The following ZBTB4 variants were observed in gnomAD, a reference collection of about 807,000 sequenced individuals.
The protein encoded by ZBTB4 is zinc finger and BTB domain-containing protein 4.
In ZBTB4, 14 loss-of-function variants were observed where a neutral mutation model predicts 59.8. That is an observed-to-expected ratio of 0.23 (90% CI 0.15 to 0.37). The LOEUF is 0.37. Among genes scored for constraint, ZBTB4 ranks in the 10% least tolerant of loss-of-function variants. The pLI, the probability that ZBTB4 is intolerant of heterozygous loss-of-function variation, is 1.00. For missense variants in ZBTB4, 1,198 were observed against 1,380.8 expected, an observed-to-expected ratio of 0.87 and a Z score of 2.10; for synonymous variants, 587 against 575.2, an observed-to-expected ratio of 1.02 and a Z score of -0.29.
chr17:7,470,196 G>T (rs1182115062), intron 1 of ZBTB4, among the ~76,000 whole-genome samples: 1 of 151,958 alleles, frequency 6.6e-6, no homozygotes, highest in Non-Finnish European at 1.5e-5. Context: ...TCAGGAGTTC[G>T]AGACCAGCCT....
Position 7,465,743 on chromosome 17 carries a change from C to T in ZBTB4, c.1059G>A (p.Thr353=), listed in dbSNP as rs377098416. 7.4e-6 allele frequency: 12 copies of T among 1,611,868 alleles called. No individual in the cohort carries two copies. Among genetic ancestry groups the T allele is most frequent in the African/African-American group, 1.3e-5 (1 of 74,928 alleles). ...CCCCCGTGTGCCACACTTCATGCTTCGTGCGGTACTCCGCCAGAGCAAACA... is the reference window on the plus strand; with the variant it reads ...CCCCCGTGTGCCACACTTCATGCTTTGTGCGGTACTCCGCCAGAGCAAACA... The part of the protein sequence containing the change: ...EKVFALAEYR[T]KHEVWHTGER... The change falls in exon 3 of 4, where the codon ACG becomes ACA. Residue 353 remains threonine (T), a synonymous_variant. Transcript: ENST00000380599.
intron 3 of ZBTB4, among the ~76,000 whole-genome samples, chr17:7,464,655 T>C (rs1422751595): frequency 1.3e-5 from 2 of 151,198 alleles, no homozygotes; most frequent in Non-Finnish European, 2.9e-5. Context: ...TTGGCCAACA[T>C]GGTGAAACCC....
rs746616536 is a variant in ZBTB4, at chr17:7,463,110, A to T, written c.1872T>A (p.Arg624=). ...VKRRISETDL[R]PGELSGEEME... ...TCTCCTCTCCGCTCAGCTCCCCAGG[A>T]CGCAGGTCAGTCTCTGAGATGCGGC... is the stretch of plus-strand genomic sequence containing the variant. The change falls in exon 4 of 4, where the codon CGT becomes CGA. Residue 624 remains arginine, a synonymous_variant. Coordinates refer to ENST00000380599, the MANE Select transcript of ZBTB4 (RefSeq NM_001128833.2). The T allele has an allele frequency of 1.2e-6, 2 of 1,609,840 alleles. No homozygotes were observed. Among genetic ancestry groups the T allele is most frequent in the Non-Finnish European group, 1.7e-6 (2 of 1,179,126 alleles).
upstream of ZBTB4, chr17:7,483,333 G>A (rs2150871364): frequency 7.3e-6 from 3 of 412,854 alleles, no homozygotes; most frequent in South Asian, 5.3e-5. Flanking sequence ...GAGCATTGGG[G>A]CTGGAGTGTT....
upstream of ZBTB4, chr17:7,482,663 G>A: frequency 6.2e-7 from 1 of 1,612,004 alleles, no homozygotes; most frequent in Non-Finnish European, 8.5e-7. Context: ...CTTCCTATCT[G>A]GCTTGGTGGG....
chr17:7,465,290 C>G (rs1351893533), intron 3 of ZBTB4, among the ~76,000 whole-genome samples: 3 of 151,470 alleles, frequency 2.0e-5, no homozygotes, highest in Admixed American at 1.3e-4. Flanking sequence ...AACCCTGACT[C>G]TACTAAAAAT....
rs1242876793 is a variant in ZBTB4 at position 7,462,162 on chromosome 17, G to A, written c.2820C>T (p.Asn940=). ...TGAGAGCAACCGGGAGAGCGGCCAA[G>A]TTACTGAAGTTGTAAGGGTAGGCGG... is the stretch of plus-strand genomic sequence containing the variant. The part of the protein sequence containing the change: ...LLAAYPYNFS[N]LAALPVALNM... Residue 940 remains asparagine (N), a synonymous_variant, in exon 4 of 4, where the codon AAC becomes AAT. Coordinates refer to ENST00000380599, the MANE Select transcript of ZBTB4 (RefSeq NM_001128833.2). The surrounding 1 kb of genome is among the most constrained non-coding windows in gnomAD (Gnocchi z 7.5). The A allele has an allele frequency of 6.2e-7, 1 of 1,613,940 alleles. No homozygotes were observed. Among genetic ancestry groups the A allele is most frequent in the East Asian group, 2.2e-5 (1 of 44,892 alleles).
At position 7,473,348 on chromosome 17, in the gene ZBTB4, C is replaced by T. The variant is rs79099794; in HGVS notation, c.-80-6021G>A. 1.1e-3 allele frequency among the ~76,000 whole-genome samples: 171 copies of T among 152,122 alleles called. 2 individuals carry two copies. The East Asian group carries it at 0.024, about 22-fold the overall frequency. ...GCCAGGATGGTCTCCATCTCCTGACCTTGTGATCTGCCCACTTCGGCATCC... is the reference window on the plus strand; with the variant it reads ...GCCAGGATGGTCTCCATCTCCTGACTTTGTGATCTGCCCACTTCGGCATCC... On this transcript the variant is annotated intron_variant, in intron 1 of 3. Coordinates refer to ENST00000380599, the MANE Select transcript of ZBTB4 (RefSeq NM_001128833.2).
intron 3 of ZBTB4, among the ~76,000 whole-genome samples, chr17:7,464,431 GA>G (rs55956412): frequency 0.48 from 45,770 of 96,304 alleles, 8,931 homozygotes; most frequent in East Asian, 0.67. Flanking sequence ...GTCAAAAAAA[GA>G]AAAAAAAAAA....
upstream of ZBTB4, among the ~76,000 whole-genome samples, chr17:7,483,745 T>C (rs2070377209): frequency 6.6e-6 from 1 of 152,180 alleles, no homozygotes; most frequent in African/African-American, 2.4e-5. Flanking sequence ...GCCACCCTCC[T>C]TCCAGAGCAG....
At chr17:7,477,045 G>A (rs1026774941) in intron 1 of ZBTB4, among the ~76,000 whole-genome samples, 9 of 152,186 alleles carry the variant, frequency 5.9e-5, no homozygotes, top group African/African-American at 2.2e-4. Flanking sequence ...AAAAAGGGAG[G>A]TAGAGTGCCT....
chr17:7,470,150 C>T (rs376914840), intron 1 of ZBTB4, among the ~76,000 whole-genome samples: 2 of 152,264 alleles, frequency 1.3e-5, no homozygotes, highest in East Asian at 3.9e-4. Flanking sequence ...GTAATCCCAG[C>T]ACTTTGGAAG....
chr17:7,464,431 G>GAAAAAAAAAAAAAAAAAAAAA, intron 3 of ZBTB4, among the ~76,000 whole-genome samples: 1 of 96,182 alleles, frequency 1.0e-5, no homozygotes, highest in Non-Finnish European at 2.0e-5. Context: ...GTCAAAAAAA[G>GAAAAAAAAAAAAAAAAAAAAA]AAAAAAAAAA....
At chr17:7,482,922 C>T (rs2070366165), upstream of ZBTB4, 1 of 1,611,836 alleles carries the variant, frequency 6.2e-7, no homozygotes, top group African/African-American at 1.3e-5. Context: ...ATCGTGGGGG[C>T]AGGGGTTGTG....
chr17:7,483,508 TGTC>T (rs891685145), upstream of ZBTB4: 2 of 202,546 alleles, frequency 9.9e-6, no homozygotes, highest in South Asian at 7.6e-5. Context: ...CTTGCAGTGG[TGTC>T]GTCTCTGCTT....
upstream of ZBTB4, chr17:7,482,298 A>C: frequency 1.2e-6 from 2 of 1,613,798 alleles, no homozygotes; most frequent in Non-Finnish European, 1.7e-6. Context: ...GGCCGGGCCT[A>C]CTTCTATGCC....
At chr17:7,468,833 C>G (rs542741239) in intron 1 of ZBTB4, among the ~76,000 whole-genome samples, 4 of 152,202 alleles carry the variant, frequency 2.6e-5, no homozygotes, top group African/African-American at 9.7e-5. Flanking sequence ...TTCACATCCC[C>G]CAAAATATTT....
Position 7,465,839 on chromosome 17 carries a change from C to T in ZBTB4, c.963G>A (p.Leu321=), listed in dbSNP as rs1350111000. The change falls in exon 3 of 4, where the codon CTG becomes CTA. Residue 321 remains leucine, a synonymous_variant. Coordinates refer to ENST00000380599, the MANE Select transcript of ZBTB4 (RefSeq NM_001128833.2). ...CATTGCTGTGTCTCTTCAGACTGGA[C>T]AGGGTCACGTAGGAACGCTCGCAGG... ...CAACERSYVT[L]SSLKRHSNVH... is the part of the protein sequence containing the mutation. 6.2e-7 allele frequency: 1 copy of T among 1,614,102 alleles called. No individual in the cohort carries two copies. The highest frequency in any genetic ancestry group is 8.5e-7 in the Non-Finnish European group (1 of 1,180,054).
At chr17:7,472,331 C>T (rs2070209360) in intron 1 of ZBTB4, among the ~76,000 whole-genome samples, 1 of 152,102 alleles carries the variant, frequency 6.6e-6, no homozygotes, top group East Asian at 1.9e-4. Context: ...GCTGGGATTA[C>T]AGGCGCCTGC....
Sources: gnomAD v4.1 joint callset for allele counts (sites outside exome capture counted in the v4.1 genomes callset) on GRCh38, gnomAD v4.1.1 for gene constraint, Gnocchi (gnomAD v3.1) non-coding constraint, MANE v1.5 for transcripts, NCBI Gene and HGNC (gene_info 2026-07-23, HGNC 2026-07-21) for gene names.